Variants in CMC2 observed in about 807,000 individuals in gnomAD.
The protein encoded by CMC2 is COX assembly mitochondrial protein 2 homolog.
Under a neutral mutation model 7.5 loss-of-function variants are expected in CMC2, and 5 were observed. The observed-to-expected ratio is 0.66, with a 90% confidence interval of 0.35 to 1.40. The LOEUF (loss-of-function observed/expected upper bound fraction) is 1.40. Among genes scored for constraint, CMC2 ranks in the 40% most tolerant of loss-of-function variants. The pLI, the probability that CMC2 is intolerant of heterozygous loss-of-function variation, is 0.04. For synonymous variants in CMC2, 37 were observed against 31.4 expected (o/e 1.18, Z -0.60); for missense variants, 115 against 92.3 (o/e 1.25, Z -1.01).
In CMC2 at chr16:80,997,351, T is replaced by A. The variant is rs200961491; in HGVS notation, c.44A>T (p.Asn15Ile). Residue 15 changes from asparagine to isoleucine, a missense_variant, in exon 2 of 4, where the codon AAC becomes ATC. Coordinates refer to ENST00000219400, the MANE Select transcript of CMC2 (RefSeq NM_020188.5). ...LSPHLHTEEC[N>I]VLINLLKECH... ...TTCCTTAAGCAAGTTAATCAAGACG[T>A]TGCATTCTTCAGTGTGCAAGTGTGG... The A allele has an allele frequency of 6.2e-7, 1 of 1,607,896 alleles. No homozygotes were observed. Among genetic ancestry groups the A allele is most frequent in the Admixed American group, 1.7e-5 (1 of 59,902 alleles).
At chr16:80,979,626 T>A (rs1004292624) in intron 3 of CMC2, among the ~76,000 whole-genome samples, 9 of 152,018 alleles carry the variant, frequency 5.9e-5, no homozygotes, top group Admixed American at 1.3e-4. Context: ...TATTTTTTTT[T>A]AATTTATTTA....
intron 1 of CMC2, among the ~76,000 whole-genome samples, chr16:80,999,345 T>C (rs967985050): frequency 1.3e-5 from 2 of 152,146 alleles, no homozygotes; most frequent in African/African-American, 2.4e-5. Flanking sequence ...TACCCAGGAA[T>C]ACATCCAACC....
At position 80,973,209 on chromosome 16, in the gene CMC2, G is replaced by C. The variant is rs573821464; in HGVS notation, c.*2884C>G. ...TACAGGGAGCCAGAGAATGGGGCCG[G>C]CTTGGGATGAGTTCTAGAGGCCTGG... On this transcript the variant is annotated 3_prime_UTR_variant, in exon 4 of 4. Transcript: ENST00000219400. The C allele has an allele frequency of 1.3e-5, 2 of 152,248 alleles. No homozygotes were observed. The highest frequency in any genetic ancestry group is 2.9e-5 in the Non-Finnish European group (2 of 68,094). The allele number at this position is 152,248 out of a possible 1,614,324, so 9.4% of individuals were successfully genotyped here. A position where few individuals can be genotyped will look rare whatever the true frequency, so the allele number is the denominator to read the frequency against.
chr16:80,989,884 T>C (rs1298865165), intron 2 of CMC2, among the ~76,000 whole-genome samples: 3 of 152,194 alleles, frequency 2.0e-5, no homozygotes, highest in Admixed American at 6.5e-5. Flanking sequence ...ACAGAATACA[T>C]AGAAGCCAGT....
intron 1 of CMC2, among the ~76,000 whole-genome samples, chr16:81,000,464 C>T (rs973294107): frequency 6.6e-6 from 1 of 151,926 alleles, no homozygotes; most frequent in African/African-American, 2.4e-5. Context: ...CCACTGCACT[C>T]CAGCCTAGGT....
chr16:81,006,528 A>G, intron 1 of CMC2: 1 of 187,644 alleles, frequency 5.3e-6, no homozygotes, highest in Non-Finnish European at 9.9e-6. Flanking sequence ...CTCGGCCACC[A>G]GCGTGTTCCA....
chr16:81,005,487 A>AG (rs1969219806), intron 1 of CMC2, among the ~76,000 whole-genome samples: 1 of 151,446 alleles, frequency 6.6e-6, no homozygotes, highest in Non-Finnish European at 1.5e-5. Flanking sequence ...CGGCCCTGGT[A>AG]TTAAAGAATT....
Position 80,971,457 on chromosome 16 carries a change from A to ATT in CMC2, c.*4635_*4636insAA, listed in dbSNP as rs1421295499. ...TATCAACATAGTATTTTTTTTTTAA[A>ATT]AAAAAAAGGTACGCTACCAAAGGCT... is the stretch of plus-strand genomic sequence containing the variant. On this transcript the variant is annotated 3_prime_UTR_variant, in exon 4 of 4. Coordinates refer to ENST00000219400, the MANE Select transcript of CMC2 (RefSeq NM_020188.5). The ATT allele has an allele frequency of 0.073, 10,674 of 147,064 alleles. 868 individuals are homozygous for ATT. The highest frequency in any genetic ancestry group is 0.19 in the African/African-American group (7,603 of 39,738). The allele number at this position is 147,064 out of a possible 1,614,324, so 9.1% of individuals were successfully genotyped here.
rs1392498316 is a variant in CMC2 at position 80,968,195 on chromosome 16, T to G, written c.*7898A>C. ...TTTCATTAAAATGCAGATTCTCAGT[T>G]AGTAGGTCAGGGTGGGGTCTAAAAC... On this transcript the variant is annotated 3_prime_UTR_variant, in exon 4 of 4. Transcript: ENST00000219400. The G allele has an allele frequency of 3.3e-5, 5 of 152,092 alleles. No homozygotes were observed. The East Asian group carries it at 5.8e-4, about 18-fold the overall frequency. The allele number at this position is 152,092 out of a possible 1,614,324, so 9.4% of individuals were successfully genotyped here. A position where few individuals can be genotyped will look rare whatever the true frequency, so the allele number is the denominator to read the frequency against.
chr16:81,000,773 T>A (rs2549867), intron 1 of CMC2, among the ~76,000 whole-genome samples: 4 of 152,032 alleles, frequency 2.6e-5, no homozygotes, highest in African/African-American at 7.2e-5. Context: ...TCACCCACTG[T>A]GGAAAGCAGT....
chr16:80,993,365 T>C (rs1162362034), intron 2 of CMC2, among the ~76,000 whole-genome samples: 1 of 152,048 alleles, frequency 6.6e-6, no homozygotes, highest in East Asian at 1.9e-4. Flanking sequence ...AGAATGGTAG[T>C]TTCACCGAGC....
chr16:80,970,700 A>T lies in CMC2; in HGVS notation c.*5393T>A, dbSNP rs1911853073. On this transcript the variant is annotated 3_prime_UTR_variant, in exon 4 of 4. Transcript: ENST00000219400. Reference sequence around the variant, plus strand: ...TCTAAAATAATCTATAGGCCCCAGAATTATTAAGAAAGTTTGGCAAGCCTT... The same window carrying T: ...TCTAAAATAATCTATAGGCCCCAGATTTATTAAGAAAGTTTGGCAAGCCTT... The T allele has an allele frequency of 6.6e-6, 1 of 152,244 alleles. No individual in the cohort carries two copies. The highest frequency in any genetic ancestry group is 1.5e-5 in the Non-Finnish European group (1 of 68,036). 9.4% of individuals were successfully genotyped at this position (152,244 alleles called of 1,614,324 possible). A position where few individuals can be genotyped will look rare whatever the true frequency, so the allele number is the denominator to read the frequency against.
Position 80,971,710 on chromosome 16 carries a change from G to A in CMC2, c.*4383C>T, listed in dbSNP as rs1161282143. On this transcript the variant is annotated 3_prime_UTR_variant, in exon 4 of 4. Coordinates refer to ENST00000219400, the MANE Select transcript of CMC2 (RefSeq NM_020188.5). ...AACGGGCTTGGGGTGACAAACACAG[G>A]AGGCTTTACCCACTTTTGTATTATT... The A allele has an allele frequency of 1.3e-5, 2 of 150,966 alleles. No homozygotes were observed. Among genetic ancestry groups the A allele is most frequent in the Non-Finnish European group, 2.9e-5 (2 of 67,884 alleles). 9.4% of individuals were successfully genotyped at this position (150,966 alleles called of 1,614,324 possible).
intron 2 of CMC2, among the ~76,000 whole-genome samples, chr16:80,986,024 C>T (rs953991294): frequency 4.6e-5 from 7 of 151,166 alleles, no homozygotes; most frequent in East Asian, 1.9e-4. Context: ...ACATTTATAA[C>T]GCATTGTATA....
At chr16:81,002,129 CAT>C (rs1294493957) in intron 1 of CMC2, among the ~76,000 whole-genome samples, 1 of 152,148 alleles carries the variant, frequency 6.6e-6, no homozygotes, top group East Asian at 1.9e-4. Context: ...CTAAAGAAAA[CAT>C]ACACTGGTAT....
At position 80,997,261 on chromosome 16, in the gene CMC2, G is replaced by A. The variant is rs372034942; in HGVS notation, c.81+53C>T. 1.5e-4 allele frequency: 140 copies of A among 954,472 alleles called. No homozygotes were observed. The African/African-American group carries it at 2.0e-3, about 14-fold the overall frequency. The allele number at this position is 954,472 out of a possible 1,614,324, so 59.1% of individuals were successfully genotyped here. A position where few individuals can be genotyped will look rare whatever the true frequency, so the allele number is the denominator to read the frequency against. ...AACGGAGATAACATTTTACATCAGT[G>A]GGTTATAACTAAGTTTCATTTTGGC... On this transcript the variant is annotated intron_variant, in intron 2 of 3. Coordinates refer to ENST00000219400, the MANE Select transcript of CMC2 (RefSeq NM_020188.5).
rs1912107051 is a variant in CMC2, at chr16:80,973,978, G to A, written c.*2115C>T. On this transcript the variant is annotated 3_prime_UTR_variant, in exon 4 of 4. Coordinates refer to ENST00000219400, the MANE Select transcript of CMC2 (RefSeq NM_020188.5). Reference sequence around the variant, plus strand: ...ACTGACATTGGCCTACAGGGCCTTAGCTGGCATCTGCATGCTGACATCTCC... The same window carrying A: ...ACTGACATTGGCCTACAGGGCCTTAACTGGCATCTGCATGCTGACATCTCC... The A allele has an allele frequency of 6.6e-6, 1 of 152,150 alleles. No individual in the cohort carries two copies. The highest frequency in any genetic ancestry group is 2.1e-4 in the South Asian group (1 of 4,824). The allele number at this position is 152,150 out of a possible 1,614,324, so 9.4% of individuals were successfully genotyped here.
chr16:81,002,748 C>G (rs1968962628), intron 1 of CMC2, among the ~76,000 whole-genome samples: 1 of 152,120 alleles, frequency 6.6e-6, no homozygotes, highest in Non-Finnish European at 1.5e-5. Context: ...GGTAGGGTAC[C>G]AATAAAACGT....
At chr16:80,992,126 C>T (rs1968048782) in intron 2 of CMC2, among the ~76,000 whole-genome samples, 1 of 152,126 alleles carries the variant, frequency 6.6e-6, no homozygotes, top group African/African-American at 2.4e-5. Context: ...TATGGGAACT[C>T]CCTGTACTGC....
Sources: gnomAD v4.1 joint callset for allele counts (sites outside exome capture counted in the v4.1 genomes callset) on GRCh38, gnomAD v4.1.1 for gene constraint, MANE v1.5 for transcripts, NCBI Gene and HGNC (gene_info 2026-07-23, HGNC 2026-07-21) for gene names.